The following CDC27 variants were observed in gnomAD, a reference collection of about 807,000 sequenced individuals.
CDC27 encodes the protein cell division cycle protein 27 homolog.
Under a neutral mutation model 109.7 loss-of-function variants are expected in CDC27, and 27 were observed. The ratio of observed to expected loss-of-function variants is 0.25; its 90% CI spans 0.18 to 0.34. The LOEUF (loss-of-function observed/expected upper bound fraction) is 0.34. Among genes scored for constraint, CDC27 ranks in the 10% least tolerant of loss-of-function variants. CDC27 has a pLI of 1.00. For synonymous variants in CDC27, 266 were observed against 333.9 expected (o/e 0.80, Z 2.22); for missense variants, 579 against 960.2 (o/e 0.60, Z 5.25).
chr17:47,157,036 A>T lies in CDC27; in HGVS notation c.719T>A (p.Ile240Asn), dbSNP rs1354177161. Reference protein sequence around the residue: ...SSVSYIDSAVISPDTVPLGTG... With the variant: ...SSVSYIDSAVNSPDTVPLGTG... ...TCCCAGTGGGACAGTATCAGGTGAA[A>T]TTACAGCTGAATCAATATAAGACAC... The change falls in exon 7 of 19, where the codon ATT becomes AAT. Residue 240 changes from isoleucine to asparagine, a missense_variant. Transcript: ENST00000066544. 6.3e-7 allele frequency: 1 copy of T among 1,587,170 alleles called. No homozygotes were observed. Among genetic ancestry groups the T allele is most frequent in the African/African-American group, 1.3e-5 (1 of 74,418 alleles).
intron 17 of CDC27, among the ~76,000 whole-genome samples, chr17:47,122,876 G>A (rs1199851598): frequency 6.6e-6 from 1 of 152,040 alleles, no homozygotes; most frequent in Non-Finnish European, 1.5e-5. Context: ...GTTTTGCCAT[G>A]TTAGCTAGGC....
chr17:47,118,656 A>G lies in CDC27; in HGVS notation c.*2279T>C, dbSNP rs1389521418. 6.6e-6 allele frequency: 1 copy of G among 152,634 alleles called. No individual in the cohort carries two copies. Among genetic ancestry groups the G allele is most frequent in the East Asian group, 1.9e-4 (1 of 5,202 alleles). 9.5% of individuals were successfully genotyped at this position (152,634 alleles called of 1,614,324 possible). On this transcript the variant is annotated 3_prime_UTR_variant, in exon 19 of 19. Coordinates refer to ENST00000066544, the MANE Select transcript of CDC27 (RefSeq NM_001256.6). ...AATTTCTGTAAAATAAACTTCTGAA[A>G]TTTGAAGCAAACATTTTGCTTGATC...
At chr17:47,122,927 A>T (rs752115627) in intron 17 of CDC27, among the ~76,000 whole-genome samples, 8 of 152,120 alleles carry the variant, frequency 5.3e-5, no homozygotes, top group Non-Finnish European at 8.8e-5. Flanking sequence ...CCTGCCTCCC[A>T]AAGTGCTGGG....
chr17:47,125,962 T>C (rs1384510356), intron 16 of CDC27, among the ~76,000 whole-genome samples: 1 of 152,218 alleles, frequency 6.6e-6, no homozygotes, highest in African/African-American at 2.4e-5. Context: ...GTTATCAACA[T>C]TTCATGCAAC....
chr17:47,166,487 TTCTC>T (rs760461040), intron 4 of CDC27, among the ~76,000 whole-genome samples: 7 of 152,254 alleles, frequency 4.6e-5, no homozygotes, highest in Non-Finnish European at 7.4e-5. Context: ...AGTAATGGTG[TTCTC>T]TCTCTTTCTT....
In CDC27 at chr17:47,123,874, C is replaced by T; in HGVS notation, c.2235+12G>A. ...GAAAGTCACTGTTTGGGACCATGACCCCAGTCTTTACCTTTCCTATTAAGA... is the reference window on the plus strand; with the variant it reads ...GAAAGTCACTGTTTGGGACCATGACTCCAGTCTTTACCTTTCCTATTAAGA... On this transcript the variant is annotated intron_variant, in intron 17 of 18. Coordinates refer to ENST00000066544, the MANE Select transcript of CDC27 (RefSeq NM_001256.6). 6.4e-7 allele frequency: 1 copy of T among 1,563,398 alleles called. No homozygotes were observed. The highest frequency in any genetic ancestry group is 8.7e-7 in the Non-Finnish European group (1 of 1,155,354).
In CDC27 at chr17:47,143,964, C is replaced by A; in HGVS notation, c.1089G>T (p.Leu363Phe). 1 of 1,458,668 alleles carries A rather than the reference C, an allele frequency of 6.9e-7. No homozygotes were observed. The highest frequency in any genetic ancestry group is 9.1e-7 in the Non-Finnish European group (1 of 1,095,214). 90.4% of individuals were successfully genotyped at this position (1,458,668 alleles called of 1,614,324 possible). A position where few individuals can be genotyped will look rare whatever the true frequency, so the allele number is the denominator to read the frequency against. Residue 363 changes from leucine (L) to phenylalanine (F), a missense_variant, in exon 10 of 19, where the codon TTG (leucine) becomes TTT (phenylalanine). This residue lies in a region of CDC27 where 51 missense variants were observed against 43.8 expected (regional missense o/e 1.16). Coordinates refer to ENST00000066544, the MANE Select transcript of CDC27 (RefSeq NM_001256.6). ...GPQTSTTPQV[L>F]SPTITSPPNA... ...TTGGGGGAGATGTAATAGTGGGGCT[C>A]AATACCTGAGGTGTTGTACTAAAAA... is the stretch of plus-strand genomic sequence containing the variant.
chr17:47,152,332 G>A lies in CDC27; in HGVS notation c.958-414C>T, dbSNP rs151053521. ...TATACACAGAAAAAAATAATAATAC[G>A]ATAAGATTTTATACTCCTTTGGCAC... is the stretch of plus-strand genomic sequence containing the variant. On this transcript the variant is annotated intron_variant, in intron 8 of 18. Coordinates refer to ENST00000066544, the MANE Select transcript of CDC27 (RefSeq NM_001256.6). Among the ~76,000 whole-genome samples, 540 of 151,986 alleles carry A rather than the reference G, an allele frequency of 3.6e-3. 2 individuals are homozygous for A. The highest frequency in any genetic ancestry group is 0.021 in the South Asian group (100 of 4,812).
intron 10 of CDC27, among the ~76,000 whole-genome samples, chr17:47,143,564 T>TAGTA (rs1204978132): frequency 6.6e-6 from 1 of 152,202 alleles, no homozygotes; most frequent in Non-Finnish European, 1.5e-5. Context: ...CATGATTTAA[T>TAGTA]AGTAACATCC....
In CDC27 at chr17:47,120,115, G is replaced by A. The variant is rs1395565793; in HGVS notation, c.*820C>T. ...TGGTGAACTTAAGGGGTTATTAAGG[G>A]CCTTGTTTTGGCTTCTCAGTGGGGA... On this transcript the variant is annotated 3_prime_UTR_variant, in exon 19 of 19. Coordinates refer to ENST00000066544, the MANE Select transcript of CDC27 (RefSeq NM_001256.6). 6.6e-6 allele frequency: 1 copy of A among 152,010 alleles called. No individual in the cohort carries two copies. Among genetic ancestry groups the A allele is most frequent in the Non-Finnish European group, 1.5e-5 (1 of 67,990 alleles). The allele number at this position is 152,010 out of a possible 1,614,324, so 9.4% of individuals were successfully genotyped here.
intron 7 of CDC27, among the ~76,000 whole-genome samples, chr17:47,156,123 T>A (rs1486707473): frequency 1.3e-5 from 2 of 152,146 alleles, no homozygotes; most frequent in Non-Finnish European, 2.9e-5. Flanking sequence ...AAGGAATATT[T>A]CAGAGTTTTA....
chr17:47,154,645 C>A, intron 8 of CDC27, 27 bp downstream of exon 8: 1 of 1,224,092 alleles, frequency 8.2e-7, no homozygotes, highest in Non-Finnish European at 1.2e-6. Flanking sequence ...TAATCAATTC[C>A]CAAACTGCAT....
rs572695833 is a variant in CDC27 at position 47,184,345 on chromosome 17, T to C, written c.28-2708A>G. On this transcript the variant is annotated intron_variant, in intron 1 of 18. Transcript: ENST00000066544. ...ATAAAGAAATTCAATAAATATGTAG[T>C]TTCTGTTGCATAACATCTCCCCAGC... Among the ~76,000 whole-genome samples the C allele has an allele frequency of 6.6e-5, 10 of 152,298 alleles. No homozygotes were observed. In the South Asian group the frequency reaches 1.7e-3, roughly 25 times the overall value.
At chr17:47,186,303 CT>C (rs1316450925) in intron 1 of CDC27, among the ~76,000 whole-genome samples, 1 of 152,182 alleles carries the variant, frequency 6.6e-6, no homozygotes, top group Non-Finnish European at 1.5e-5. Flanking sequence ...GATGCTGTCC[CT>C]GAACATTTTA....
chr17:47,141,308 T>C (rs1568390969), intron 12 of CDC27, among the ~76,000 whole-genome samples: 1 of 152,138 alleles, frequency 6.6e-6, no homozygotes, highest in Admixed American at 6.6e-5. Flanking sequence ...GTAATATAAA[T>C]TGGGAATTAG....
intron 1 of CDC27, among the ~76,000 whole-genome samples, chr17:47,182,324 A>G (rs986104357): frequency 1.3e-5 from 2 of 152,242 alleles, no homozygotes; most frequent in Non-Finnish European, 2.9e-5. Flanking sequence ...CCTAAAGTAT[A>G]TATGAGATAG....
rs1347295604 is a variant in CDC27, at chr17:47,120,169, G to T, written c.*766C>A. ...ACTCTATCATCTCTGAATGTTAAAGGTGATCCCACAGAGCTCAAAGAGAAG... is the reference window on the plus strand; with the variant it reads ...ACTCTATCATCTCTGAATGTTAAAGTTGATCCCACAGAGCTCAAAGAGAAG... On this transcript the variant is annotated 3_prime_UTR_variant, in exon 19 of 19. Coordinates refer to ENST00000066544, the MANE Select transcript of CDC27 (RefSeq NM_001256.6). 6.6e-6 allele frequency: 1 copy of T among 152,120 alleles called. No homozygotes were observed. The highest frequency in any genetic ancestry group is 1.9e-4 in the East Asian group (1 of 5,200). The allele number at this position is 152,120 out of a possible 1,614,324, so 9.4% of individuals were successfully genotyped here.
At chr17:47,133,461 C>T (rs1392701580) in intron 14 of CDC27, among the ~76,000 whole-genome samples, 25 of 140,950 alleles carry the variant, frequency 1.8e-4, no homozygotes, top group Admixed American at 9.1e-4. Flanking sequence ...TTTTTTGAGA[C>T]GGAGTTTCGC....
intron 8 of CDC27, among the ~76,000 whole-genome samples, chr17:47,152,827 T>C (rs572086187): frequency 6.6e-6 from 1 of 152,336 alleles, no homozygotes; most frequent in South Asian, 2.1e-4. Context: ...AACATTACAT[T>C]ATTTGTCCTG....
Sources: gnomAD v4.1 joint callset for allele counts (sites outside exome capture counted in the v4.1 genomes callset) on GRCh38, gnomAD v4.1.1 for gene constraint, gnomAD v4.1.1 regional missense constraint, MANE v1.5 for transcripts, NCBI Gene and HGNC (gene_info 2026-07-23, HGNC 2026-07-21) for gene names.